CDC37L1: variants seen among roughly 807,000 people sequenced by gnomAD.
The protein encoded by CDC37L1 is hsp90 co-chaperone Cdc37-like 1.
In CDC37L1, 32 loss-of-function variants were observed where a neutral mutation model predicts 45.9. That is an observed-to-expected ratio of 0.70 (90% CI 0.53 to 0.94). The LOEUF is 0.94. CDC37L1 is among the 40% of genes least tolerant of loss of function. The pLI is 0.00. For synonymous variants in CDC37L1, 150 were observed against 133.0 expected (o/e 1.13, Z -0.88); for missense variants, 434 against 405.7 (o/e 1.07, Z -0.60).
At chr9:4,701,016 CAAG>C (rs1841391133) in intron 5 of CDC37L1, among the ~76,000 whole-genome samples, 1 of 152,168 alleles carries the variant, frequency 6.6e-6, no homozygotes, top group African/African-American at 2.4e-5. Flanking sequence ...CCTAAATTTA[CAAG>C]AAGATAGGAT....
At position 4,679,787 on chromosome 9, in the gene CDC37L1, C is replaced by T. The variant is rs1016622653; in HGVS notation, c.20C>T (p.Pro7Leu). ...CCGGACATGGAACAACCGTGGCCGC[C>T]TCCGGGACCCTGGAGCCTCCCTCGG... MEQPWP[P>L]PGPWSLPRAE... Residue 7 changes from proline to leucine, a missense_variant, in exon 1 of 7, where the codon CCT (proline) becomes CTT (leucine). Transcript: ENST00000381854. 2 of 1,613,244 alleles carry T rather than the reference C, an allele frequency of 1.2e-6. No individual in the cohort carries two copies. Among genetic ancestry groups the T allele is most frequent in the Admixed American group, 1.7e-5 (1 of 59,984 alleles).
At chr9:4,685,905 G>A (rs1279429776) in intron 2 of CDC37L1, among the ~76,000 whole-genome samples, 1 of 152,206 alleles carries the variant, frequency 6.6e-6, no homozygotes, top group East Asian at 1.9e-4. Context: ...GTCCACACCT[G>A]TAATCCCAGC....
chr9:4,688,014 G>A (rs925865050), intron 2 of CDC37L1, among the ~76,000 whole-genome samples: 1 of 151,976 alleles, frequency 6.6e-6, no homozygotes, highest in Non-Finnish European at 1.5e-5. Context: ...GTATTTTTTT[G>A]TGAGATGGAG....
chr9:4,684,940 G>A lies in CDC37L1; in HGVS notation c.196G>A (p.Ala66Thr). ...KQKEFVKSSV[A>T]CKWNLAEAQQ... ...GAAAGAGTTTGTGAAGAGCTCTGTG[G>A]CGTGCAAATGGAATCTTGCTGAAGC... The change falls in exon 2 of 7, where the codon GCG becomes ACG. Residue 66 changes from alanine (A) to threonine (T), a missense_variant. Physicochemically the swap from Ala to Thr is moderately conservative, Grantham distance 58. Transcript: ENST00000381854. 7 of 1,613,820 alleles carry A rather than the reference G, an allele frequency of 4.3e-6. No individual in the cohort carries two copies. Among genetic ancestry groups the A allele is most frequent in the Non-Finnish European group, 5.1e-6 (6 of 1,179,740 alleles).
intron 3 of CDC37L1, 96 bp from the exon 4 acceptor site, chr9:4,697,000 A>T: frequency 1.6e-6 from 1 of 635,928 alleles, no homozygotes; most frequent in Non-Finnish European, 2.8e-6. Context: ...TAAAAATACC[A>T]TTGAGAGATT....
chr9:4,696,977 A>G (rs1057045526), intron 3 of CDC37L1, 119 bp from the exon 4 acceptor site: 25 of 598,232 alleles, frequency 4.2e-5, no homozygotes, highest in African/African-American at 3.6e-4. Flanking sequence ...AATTGTCTTT[A>G]AAGAGAATCA....
At position 4,706,151 on chromosome 9, in the gene CDC37L1, C is replaced by A; in HGVS notation, c.*39C>A. The stretch of plus-strand genomic sequence containing the variant: ...GCTGAGGCCAAGTGCTATTTTGTTA[C>A]AAGAAAGGAAGAACTTGGCTATTTT... On this transcript the variant is annotated 3_prime_UTR_variant, in exon 7 of 7. Transcript: ENST00000381854. 2 of 997,128 alleles carry A rather than the reference C, an allele frequency of 2.0e-6. No individual in the cohort carries two copies. The highest frequency in any genetic ancestry group is 3.2e-6 in the Non-Finnish European group (2 of 623,544). 61.8% of individuals were successfully genotyped at this position (997,128 alleles called of 1,614,324 possible).
At chr9:4,691,217 CA>C (rs1841297036) in intron 3 of CDC37L1, among the ~76,000 whole-genome samples, 1 of 152,084 alleles carries the variant, frequency 6.6e-6, no homozygotes, top group Admixed American at 6.6e-5. Context: ...GCAGGATGTG[CA>C]GGTTTGTTAC....
At chr9:4,701,139 C>T (rs1841392515) in intron 5 of CDC37L1, among the ~76,000 whole-genome samples, 1 of 152,164 alleles carries the variant, frequency 6.6e-6, no homozygotes, top group Non-Finnish European at 1.5e-5. Flanking sequence ...AGATCTCTTC[C>T]ACTACTTGAA....
intron 1 of CDC37L1, among the ~76,000 whole-genome samples, chr9:4,682,957 ATT>A (rs1160006274): frequency 6.9e-6 from 1 of 145,240 alleles, no homozygotes; most frequent in Non-Finnish European, 1.5e-5. Context: ...TAAATATTTT[ATT>A]TTAAAATATT....
chr9:4,679,602 G>A lies in CDC37L1; in HGVS notation c.-166G>A. Reference sequence around the variant, plus strand: ...GTCCGCCGGTGGCGAGGCCCAGGCTGTCGCCGGGTGTGCAGCGGCGTCGCG... The same window carrying A: ...GTCCGCCGGTGGCGAGGCCCAGGCTATCGCCGGGTGTGCAGCGGCGTCGCG... On this transcript the variant is annotated 5_prime_UTR_variant, in exon 1 of 7. Coordinates refer to ENST00000381854, the MANE Select transcript of CDC37L1 (RefSeq NM_017913.4). 3 of 592,522 alleles carry A rather than the reference G, an allele frequency of 5.1e-6. No homozygotes were observed. The highest frequency in any genetic ancestry group is 8.6e-6 in the Non-Finnish European group (3 of 347,518). The allele number at this position is 592,522 out of a possible 1,614,324, so 36.7% of individuals were successfully genotyped here.
At chr9:4,698,491 T>A (rs1296642917) in intron 5 of CDC37L1, among the ~76,000 whole-genome samples, 2 of 150,976 alleles carry the variant, frequency 1.3e-5, no homozygotes, top group Non-Finnish European at 2.9e-5. Context: ...CTAGAAAGAT[T>A]AAGTACCTTT....
At chr9:4,696,287 C>T (rs561834358) in intron 3 of CDC37L1, among the ~76,000 whole-genome samples, 4 of 152,282 alleles carry the variant, frequency 2.6e-5, no homozygotes, top group African/African-American at 9.6e-5. Flanking sequence ...TACAAAATTT[C>T]CATGAATATC....
chr9:4,688,899 C>T (rs767286663), intron 3 of CDC37L1, among the ~76,000 whole-genome samples: 1 of 151,744 alleles, frequency 6.6e-6, no homozygotes, highest in African/African-American at 2.4e-5. Flanking sequence ...CCTAAGTAGT[C>T]TTTGCTTTTT....
rs1049989652 is a variant in CDC37L1 at position 4,679,581 on chromosome 9, G to A, written c.-187G>A. ...GCGCCGACTATTTCTTCCGCCGTCC[G>A]CCGGTGGCGAGGCCCAGGCTGTCGC... is the stretch of plus-strand genomic sequence containing the variant. On this transcript the variant is annotated 5_prime_UTR_variant, in exon 1 of 7. Transcript: ENST00000381854. 3.7e-5 allele frequency: 19 copies of A among 518,256 alleles called. No individual in the cohort carries two copies. Among genetic ancestry groups the A allele is most frequent in the African/African-American group, 3.4e-4 (17 of 50,476 alleles). 32.1% of individuals were successfully genotyped at this position (518,256 alleles called of 1,614,324 possible). A position where few individuals can be genotyped will look rare whatever the true frequency, so the allele number is the denominator to read the frequency against.
At chr9:4,679,987 G>A (rs1212617545) in intron 1 of CDC37L1, 88 bp downstream of exon 1, 8 of 1,509,148 alleles carry the variant, frequency 5.3e-6, no homozygotes, top group African/African-American at 4.2e-5. Context: ...CCTCTTCTAC[G>A]CCTTTTTCTA....
chr9:4,679,738 G>A lies in CDC37L1; in HGVS notation c.-30G>A, dbSNP rs776117650. The A allele has an allele frequency of 6.3e-7, 1 of 1,599,510 alleles. No individual in the cohort carries two copies. The highest frequency in any genetic ancestry group is 1.1e-5 in the South Asian group (1 of 89,966). Reference sequence around the variant, plus strand: ...TTGGCAGTGGCAGTTGTAGGGCCAAGGGCGGTTGTAGGACCCGGAGCAGCC... The same window carrying A: ...TTGGCAGTGGCAGTTGTAGGGCCAAAGGCGGTTGTAGGACCCGGAGCAGCC... On this transcript the variant is annotated 5_prime_UTR_variant, in exon 1 of 7. Coordinates refer to ENST00000381854, the MANE Select transcript of CDC37L1 (RefSeq NM_017913.4).
chr9:4,705,890 C>G (rs1587625865), intron 6 of CDC37L1, 121 bp from the exon 7 acceptor site: 1 of 425,398 alleles, frequency 2.4e-6, no homozygotes, highest in East Asian at 3.4e-5. Context: ...TTCTTTCCTA[C>G]TGCTCTACTA....
At chr9:4,686,577 G>C (rs1841249256) in intron 2 of CDC37L1, among the ~76,000 whole-genome samples, 1 of 152,134 alleles carries the variant, frequency 6.6e-6, no homozygotes, top group Non-Finnish European at 1.5e-5. Context: ...CTTTAACACA[G>C]TGGTCACAAA....
Sources: allele counts gnomAD v4.1 joint callset (sites outside exome capture counted in the v4.1 genomes callset), GRCh38; gene constraint gnomAD v4.1.1; transcripts MANE v1.5; gene names NCBI Gene and HGNC (gene_info 2026-07-23, HGNC 2026-07-21).